The following XKR4 variants were observed in gnomAD, a reference collection of about 807,000 sequenced individuals.
XKR4 encodes XK related 4.
In XKR4, 12 loss-of-function variants were observed where a neutral mutation model predicts 53.9. The observed-to-expected ratio is 0.22, with a 90% CI of 0.14 to 0.36. The LOEUF (loss-of-function observed/expected upper bound fraction) is 0.36, where lower values mean the gene tolerates loss of function less well. Among genes scored for constraint, XKR4 ranks in the 10% least tolerant of loss-of-function variants. The pLI is 1.00. For synonymous variants in XKR4, 354 were observed against 362.4 expected, an observed-to-expected ratio of 0.98 and a Z score of 0.26; for missense variants, 799 against 859.5, an observed-to-expected ratio of 0.93 and a Z score of 0.88.
At chr8:55,348,691 TACACACACAC>T (rs796321076) in intron 1 of XKR4, among the ~76,000 whole-genome samples, 2 of 136,218 alleles carry the variant, frequency 1.5e-5, no homozygotes, top group South Asian at 2.4e-4. Flanking sequence ...CAGACAAACA[TACACACACAC>T]ACACACACAC....
intron 1 of XKR4, among the ~76,000 whole-genome samples, chr8:55,326,931 T>G (rs1184175833): frequency 1.3e-5 from 2 of 151,852 alleles, no homozygotes; most frequent in Non-Finnish European, 2.9e-5. Context: ...AAATGTGGGA[T>G]CACAAGATGA....
At chr8:55,267,017 T>C (rs1166035259) in intron 1 of XKR4, among the ~76,000 whole-genome samples, 2 of 152,194 alleles carry the variant, frequency 1.3e-5, no homozygotes, top group African/African-American at 4.8e-5. Context: ...TCAGGTAATA[T>C]TTTAATAATT....
At chr8:55,226,047 G>A (rs1817947992) in intron 1 of XKR4, among the ~76,000 whole-genome samples, 1 of 152,150 alleles carries the variant, frequency 6.6e-6, no homozygotes, top group African/African-American at 2.4e-5. Flanking sequence ...AGCGACTGTG[G>A]TCCACATGAA....
chr8:55,435,102 GC>G (rs1432731391), intron 2 of XKR4, among the ~76,000 whole-genome samples: 1 of 152,208 alleles, frequency 6.6e-6, no homozygotes, highest in Non-Finnish European at 1.5e-5. Flanking sequence ...GTCAAAAGAT[GC>G]CCCCACTTGT....
intron 1 of XKR4, among the ~76,000 whole-genome samples, chr8:55,108,458 T>C (rs542841121): frequency 6.6e-6 from 1 of 152,288 alleles, no homozygotes; most frequent in East Asian, 1.9e-4. Context: ...TCTGACTCAG[T>C]CATGTCTCTG....
intron 1 of XKR4, among the ~76,000 whole-genome samples, chr8:55,245,462 C>T (rs926653858): frequency 2.0e-5 from 3 of 152,062 alleles, no homozygotes; most frequent in African/African-American, 7.2e-5. Flanking sequence ...TGTGGTATAG[C>T]AGCTTAAATA....
At chr8:55,395,199 T>C (rs1305202093) in intron 2 of XKR4, among the ~76,000 whole-genome samples, 3 of 151,974 alleles carry the variant, frequency 2.0e-5, no homozygotes, top group African/African-American at 7.2e-5. Flanking sequence ...AGTTAGGAAT[T>C]GTTCGAGGAA....
chr8:55,452,306 C>A (rs1216307254), intron 2 of XKR4: 17 of 642,504 alleles, frequency 2.6e-5, no homozygotes, highest in Non-Finnish European at 4.3e-5. Context: ...CCTTGGTCAG[C>A]GCGGCCACCG....
intron 2 of XKR4, among the ~76,000 whole-genome samples, chr8:55,400,862 C>T (rs1339414467): frequency 6.6e-6 from 1 of 152,174 alleles, no homozygotes; most frequent in Non-Finnish European, 1.5e-5. Flanking sequence ...TTAAGAGCCT[C>T]TCTCTCCAGG....
At chr8:55,513,108 CTCA>C (rs1806653086) in intron 2 of XKR4, among the ~76,000 whole-genome samples, 1 of 152,162 alleles carries the variant, frequency 6.6e-6, no homozygotes, top group Non-Finnish European at 1.5e-5. Flanking sequence ...GTCACCATTT[CTCA>C]TCTTCTGGGC....
intron 1 of XKR4, among the ~76,000 whole-genome samples, chr8:55,155,995 A>G (rs1197471881): frequency 1.3e-5 from 2 of 152,214 alleles, no homozygotes; most frequent in Admixed American, 6.5e-5. Flanking sequence ...TCAAAAACCT[A>G]TCTTAAGACA....
rs1167316232 is a variant in XKR4, at chr8:55,532,492, G to A, written c.*8265G>A. On this transcript the variant is annotated 3_prime_UTR_variant, in exon 3 of 3. Coordinates refer to ENST00000327381, the MANE Select transcript of XKR4 (RefSeq NM_052898.2). ...GTAATTGAAGTATGTCATCTACCCT[G>A]TTATTAGAATTTCAGAAAATAGGCC... 2 of 152,106 alleles carry A rather than the reference G, an allele frequency of 1.3e-5. No individual in the cohort carries two copies. The highest frequency in any genetic ancestry group is 4.8e-5 in the African/African-American group (2 of 41,434). The allele number at this position is 152,106 out of a possible 1,614,324, so 9.4% of individuals were successfully genotyped here.
intron 1 of XKR4, among the ~76,000 whole-genome samples, chr8:55,177,228 G>T (rs139657562): frequency 1.2e-4 from 18 of 151,970 alleles, no homozygotes; most frequent in Non-Finnish European, 1.6e-4. Flanking sequence ...GTAGAAACAG[G>T]GTTTCACCAT....
intron 1 of XKR4, among the ~76,000 whole-genome samples, chr8:55,355,933 A>G (rs1803791600): frequency 1.3e-5 from 2 of 152,196 alleles, no homozygotes; most frequent in African/African-American, 4.8e-5. Context: ...GTAGGTACCA[A>G]TCTCCAACTA....
chr8:55,388,987 T>C (rs537917864), intron 2 of XKR4, among the ~76,000 whole-genome samples: 21 of 152,282 alleles, frequency 1.4e-4, no homozygotes, highest in Admixed American at 1.1e-3. Context: ...TATAATTAGC[T>C]AAGATGAGGT....
intron 1 of XKR4, among the ~76,000 whole-genome samples, chr8:55,136,173 TGAG>T (rs1816626609): frequency 6.6e-6 from 1 of 152,216 alleles, no homozygotes; most frequent in African/African-American, 2.4e-5. Flanking sequence ...ATTACACGTG[TGAG>T]CCACTGTGCC....
chr8:55,439,541 C>A (rs576423185), intron 2 of XKR4, among the ~76,000 whole-genome samples: 1 of 152,036 alleles, frequency 6.6e-6, no homozygotes. Flanking sequence ...AGAGTAGGGA[C>A]AAATACAATT....
intron 1 of XKR4, among the ~76,000 whole-genome samples, chr8:55,289,743 A>AAGAAAGAAAGAGAG (rs1333323076): frequency 7.0e-6 from 1 of 142,356 alleles, no homozygotes; most frequent in East Asian, 2.3e-4. Flanking sequence ...GAAAGAAAGA[A>AAGAAAGAAAGAGAG]AAAGAAAGAA....
intron 2 of XKR4, among the ~76,000 whole-genome samples, chr8:55,392,264 A>T (rs529332370): frequency 1.3e-5 from 2 of 152,154 alleles, no homozygotes; most frequent in South Asian, 2.1e-4. Flanking sequence ...TCCTTGGAGG[A>T]ATGGTGGGTT....
Sources: gnomAD v4.1 joint callset for allele counts (sites outside exome capture counted in the v4.1 genomes callset) on GRCh38, gnomAD v4.1.1 for gene constraint, MANE v1.5 for transcripts, NCBI Gene and HGNC (gene_info 2026-07-23, HGNC 2026-07-21) for gene names.